UNC13C: variants seen among roughly 807,000 people sequenced by gnomAD.
UNC13C encodes unc-13 homolog C.
A neutral mutation model predicts 245.4 loss-of-function variants in UNC13C; 174 were observed. That is an observed-to-expected ratio of 0.71 (90% CI 0.63 to 0.80). The LOEUF is 0.80. Ranked by LOEUF, UNC13C falls within the 30% of genes least tolerant of loss-of-function variation. UNC13C has a pLI of 0.00. For synonymous variants in UNC13C, 992 were observed against 895.1 expected (o/e 1.11, Z -1.93); for missense variants, 2,829 against 2,602.9 (o/e 1.09, Z -1.89).
At chr15:54,310,756 A>C (rs1010427051) in intron 13 of UNC13C, among the ~76,000 whole-genome samples, 4 of 123,464 alleles carry the variant, frequency 3.2e-5, no homozygotes, top group African/African-American at 1.1e-4. Flanking sequence ...CTATATCTAT[A>C]TCTATATCTA....
chr15:54,185,112 G>A (rs1349811578), intron 4 of UNC13C, among the ~76,000 whole-genome samples: 1 of 152,086 alleles, frequency 6.6e-6, no homozygotes. Context: ...TTTTGACGGG[G>A]TTGTTTGTTT....
In UNC13C at chr15:54,567,758, A is replaced by G. The variant is rs767611681; in HGVS notation, c.5959-42A>G. On this transcript the variant is annotated intron_variant, in intron 29 of 32. Transcript: ENST00000260323. ...AGAGTAATAAATTCTGTCTTCCAATACTTCTCTCTAAATGCCTCGGCTTAT... is the reference window on the plus strand; with the variant it reads ...AGAGTAATAAATTCTGTCTTCCAATGCTTCTCTCTAAATGCCTCGGCTTAT... 8 of 1,517,074 alleles carry G rather than the reference A, an allele frequency of 5.3e-6. No homozygotes were observed. The Admixed American group carries it at 8.6e-5, about 16-fold the overall frequency. 94.0% of individuals were successfully genotyped at this position (1,517,074 alleles called of 1,614,324 possible). A position where few individuals can be genotyped will look rare whatever the true frequency, so the allele number is the denominator to read the frequency against.
intron 24 of UNC13C, among the ~76,000 whole-genome samples, chr15:54,517,862 T>C (rs2141126613): frequency 6.6e-6 from 1 of 152,314 alleles, no homozygotes; most frequent in Non-Finnish European, 1.5e-5. Flanking sequence ...ATCCTTCAGA[T>C]GAAAGTTTTA....
Position 54,383,434 on chromosome 15 carries a change from C to A in UNC13C, c.4714-9614C>A, listed in dbSNP as rs191459716. On this transcript the variant is annotated intron_variant, in intron 17 of 32. Transcript: ENST00000260323. ...TATGTCAGCAGAAGGAAAGACAAAACCCATAGGATTATCACAATAGATGCA... is the reference window on the plus strand; with the variant it reads ...TATGTCAGCAGAAGGAAAGACAAAAACCATAGGATTATCACAATAGATGCA... Among the ~76,000 whole-genome samples the A allele has an allele frequency of 5.7e-3, 870 of 152,180 alleles. 8 individuals carry two copies. The highest frequency in any genetic ancestry group is 0.02 in the African/African-American group (813 of 41,532).
chr15:54,339,466 G>A (rs995344481), intron 17 of UNC13C, among the ~76,000 whole-genome samples: 10 of 151,956 alleles, frequency 6.6e-5, no homozygotes, highest in Admixed American at 1.3e-4. Flanking sequence ...TCATTCTTAC[G>A]CCTTTGCACC....
rs74633459 is a variant in UNC13C at position 54,028,394 on chromosome 15, T to C, written c.2983+12508T>C. Among the ~76,000 whole-genome samples, 807 of 152,266 alleles carry C rather than the reference T, an allele frequency of 5.3e-3. 12 individuals carry two copies. The highest frequency in any genetic ancestry group is 0.019 in the African/African-American group (788 of 41,556). ...GCCTCAAAACTAGTCTCCGTCTCTATTTCTTTCCCCATCCCTGCTCTGCCA... is the reference window on the plus strand; with the variant it reads ...GCCTCAAAACTAGTCTCCGTCTCTACTTCTTTCCCCATCCCTGCTCTGCCA... On this transcript the variant is annotated intron_variant, in intron 2 of 32. Coordinates refer to ENST00000260323, the MANE Select transcript of UNC13C (RefSeq NM_001080534.3).
chr15:54,621,067 TG>T (rs1484065125), intron 30 of UNC13C, among the ~76,000 whole-genome samples: 1 of 152,178 alleles, frequency 6.6e-6, no homozygotes, highest in Non-Finnish European at 1.5e-5. Flanking sequence ...CAAATGGCTG[TG>T]CCAAGGAGAG....
chr15:54,018,484 T>C (rs923282013), intron 2 of UNC13C, among the ~76,000 whole-genome samples: 7 of 152,240 alleles, frequency 4.6e-5, no homozygotes, highest in Non-Finnish European at 7.3e-5. Context: ...TATTTGATGA[T>C]AATGTTTCAG....
chr15:54,630,917 A>C (rs759046817), downstream of UNC13C: 34 of 152,244 alleles, frequency 2.2e-4, no homozygotes, highest in Admixed American at 5.2e-4. Context: ...GTTATGGTTT[A>C]ATTGGTGATT....
intron 2 of UNC13C, among the ~76,000 whole-genome samples, chr15:54,102,479 C>A (rs1900214422): frequency 6.6e-6 from 1 of 152,154 alleles, no homozygotes; most frequent in Non-Finnish European, 1.5e-5. Flanking sequence ...AGAGCTGTCA[C>A]CTACACACAT....
chr15:54,433,405 C>T (rs1300272633), intron 19 of UNC13C, among the ~76,000 whole-genome samples: 1 of 152,052 alleles, frequency 6.6e-6, no homozygotes, highest in East Asian at 1.9e-4. Context: ...CAGTTTCATC[C>T]CTGGGATGCA....
intron 26 of UNC13C, among the ~76,000 whole-genome samples, chr15:54,546,015 G>T (rs1896467753): frequency 6.6e-6 from 1 of 152,122 alleles, no homozygotes; most frequent in South Asian, 2.1e-4. Flanking sequence ...AAAGACACAT[G>T]CACACATAAG....
chr15:54,329,220 T>C (rs72730901), intron 14 of UNC13C, among the ~76,000 whole-genome samples: 2 of 151,902 alleles, frequency 1.3e-5, no homozygotes, highest in Non-Finnish European at 2.9e-5. Context: ...CAATATGTAA[T>C]GATAAAATCG....
the UNC13C span, among the ~76,000 whole-genome samples, chr15:53,951,574 C>T: frequency 4.6e-5 from 7 of 152,190 alleles, no homozygotes; most frequent in Non-Finnish European, 1.0e-4. Context: ...GTATTGGTCT[C>T]CTAATCCCAC....
intron 17 of UNC13C, among the ~76,000 whole-genome samples, chr15:54,379,880 GTATT>G (rs1223633140): frequency 6.6e-6 from 1 of 152,080 alleles, no homozygotes; most frequent in African/African-American, 2.4e-5. Flanking sequence ...TAAATTGAAT[GTATT>G]TATCATGCAC....
chr15:53,990,310 T>C (rs1386882606), intron 1 of UNC13C, among the ~76,000 whole-genome samples: 2 of 151,476 alleles, frequency 1.3e-5, no homozygotes, highest in East Asian at 3.9e-4. Context: ...GAAGAGATTA[T>C]GAGTGAAAAA....
chr15:54,229,111 T>C lies in UNC13C; in HGVS notation c.3072-5919T>C, dbSNP rs117102734. Among the ~76,000 whole-genome samples the C allele has an allele frequency of 4.5e-4, 69 of 152,312 alleles. 1 individual carries two copies. The East Asian group carries it at 0.013, about 28-fold the overall frequency. ...CTGAGTTCTGCCTGTTGTTGCTTTCTGCTGTGACAGGACAGCATTGAGTTC... is the reference window on the plus strand; with the variant it reads ...CTGAGTTCTGCCTGTTGTTGCTTTCCGCTGTGACAGGACAGCATTGAGTTC... On this transcript the variant is annotated intron_variant, in intron 4 of 32. Coordinates refer to ENST00000260323, the MANE Select transcript of UNC13C (RefSeq NM_001080534.3).
At chr15:54,206,542 C>T (rs1451831185) in intron 4 of UNC13C, among the ~76,000 whole-genome samples, 1 of 152,070 alleles carries the variant, frequency 6.6e-6, no homozygotes, top group Non-Finnish European at 1.5e-5. Flanking sequence ...AATGCACATA[C>T]TATATAAGGA....
chr15:54,007,059 T>C (rs1003730807), intron 1 of UNC13C, among the ~76,000 whole-genome samples: 1 of 152,246 alleles, frequency 6.6e-6, no homozygotes, highest in African/African-American at 2.4e-5. Flanking sequence ...TGAACAGATA[T>C]GTGGTGAACC....
Sources: allele counts gnomAD v4.1 joint callset (sites outside exome capture counted in the v4.1 genomes callset), GRCh38; gene constraint gnomAD v4.1.1; transcripts MANE v1.5; gene names NCBI Gene and HGNC (gene_info 2026-07-23, HGNC 2026-07-21).